The following NBPF8 variants were observed in gnomAD, a reference collection of about 807,000 sequenced individuals.
NBPF8 encodes the protein NBPF member 8.
chr1:120,468,322 T>C (rs1439890942), downstream of NBPF8, among the ~76,000 whole-genome samples: 122 of 151,660 alleles, frequency 8.0e-4, no homozygotes, highest in African/African-American at 2.5e-3. Flanking sequence ...AATGTCACAG[T>C]CATCACTTGC....
At chr1:120,460,479 C>T (rs1661549867) in intron 17 of NBPF8, 94 bp from the exon 16 acceptor site, 6 of 819,044 alleles carry the variant, frequency 7.3e-6, no homozygotes, top group South Asian at 6.6e-5. Context: ...ATTGACAAGA[C>T]TGATGTCCCT....
chr1:120,415,425 G>A (rs1196266259), upstream of NBPF8, among the ~76,000 whole-genome samples: 9 of 152,224 alleles, frequency 5.9e-5, no homozygotes, highest in Middle Eastern at 6.8e-3. Context: ...CGGCCCCGCC[G>A]GGGCTTAAGT....
At chr1:120,466,077 C>G in exon 25 of NBPF8, 1 of 1,611,854 alleles carries the variant, frequency 6.2e-7, no homozygotes, top group South Asian at 1.1e-5. Context: ...AACTACGTGA[C>G]TCATTCCAGC....
At chr1:120,433,237 GT>G (rs1660934521), upstream of NBPF8, 15 of 152,128 alleles carry the variant, frequency 9.9e-5, no homozygotes, top group Non-Finnish European at 1.8e-4. Context: ...GAATAAGCAA[GT>G]CGGTATTGAA....
rs1448404151 is a variant in NBPF8, at chr1:120,455,410, AAATG to A, written n.2573_2576del. On this transcript the variant is annotated splice_region_variant and non_coding_transcript_exon_variant, in exon 16 of 25. Transcript: ENST00000583271. Reference sequence around the variant, plus strand: ...CTGCTTCTCTGAATTTATTTACAGAAAATGAAAGTGATGATGAGGAAGAGGAAGA... The same window carrying A: ...CTGCTTCTCTGAATTTATTTACAGAAAAAGTGATGATGAGGAAGAGGAAGA... 4 of 637,714 alleles carry A rather than the reference AAATG, an allele frequency of 6.3e-6. No homozygotes were observed. In the African/African-American group the frequency reaches 8.2e-5, roughly 13 times the overall value. 39.5% of individuals were successfully genotyped at this position (637,714 alleles called of 1,614,324 possible).
chr1:120,431,672 T>G (rs1355565560), upstream of NBPF8, among the ~76,000 whole-genome samples: 150 of 150,870 alleles, frequency 9.9e-4, no homozygotes, highest in Non-Finnish European at 1.7e-3. Context: ...AGTCTTATAC[T>G]TGTAGGAATG....
chr1:120,431,571 A>C (rs1660880786), upstream of NBPF8, among the ~76,000 whole-genome samples: 1 of 151,682 alleles, frequency 6.6e-6, no homozygotes, highest in African/African-American at 2.4e-5. Context: ...CAATCAGTGC[A>C]ACAATGAGAT....
intron 7 of NBPF8, chr1:120,445,776 A>G (rs1661144467): frequency 1.7e-5 from 5 of 302,000 alleles, no homozygotes; most frequent in Non-Finnish European, 2.9e-5. Context: ...CAATATTTGA[A>G]CGGATCACTC....
intron 24 of NBPF8, 61 bp from the exon 23 acceptor site, chr1:120,465,917 G>A: frequency 2.5e-6 from 4 of 1,590,900 alleles, no homozygotes; most frequent in East Asian, 2.2e-5. Context: ...CTGAAATCTA[G>A]TGGGGCTCTG....
chr1:120,432,116 G>A (rs1660896791), upstream of NBPF8: 1 of 143,178 alleles, frequency 7.0e-6, no homozygotes, highest in Admixed American at 7.3e-5. Flanking sequence ...AATCTAAATG[G>A]GTCTAGGTGC....
chr1:120,452,334 A>C lies in NBPF8; in HGVS notation n.2289+3A>C. The C allele has an allele frequency of 7.2e-7, 1 of 1,392,328 alleles. No individual in the cohort carries two copies. Among genetic ancestry groups the C allele is most frequent in the South Asian group, 1.2e-5 (1 of 86,950 alleles). 86.2% of individuals were successfully genotyped at this position (1,392,328 alleles called of 1,614,324 possible). On this transcript the variant is annotated splice_donor_region_variant and intron_variant and non_coding_transcript_variant, in intron 13 of 24. Coordinates refer to ENST00000583271, the Ensembl canonical transcript of NBPF8. ...CCTTGTCCAAAAGCTCAGCCCAGGT[A>C]AGGTGGCCATAGGCCCTGATGACCC...
upstream of NBPF8, among the ~76,000 whole-genome samples, chr1:120,431,359 AATAT>A (rs869036983): frequency 0.071 from 2,956 of 41,840 alleles, 125 homozygotes; most frequent in Middle Eastern, 0.14. Flanking sequence ...CCAAATAGGG[AATAT>A]ATATATATAT....
Position 120,464,554 on chromosome 1 carries a change from T to C in NBPF8, n.3459+6T>C. 1 of 767,658 alleles carries C rather than the reference T, an allele frequency of 1.3e-6. No homozygotes were observed. Among genetic ancestry groups the C allele is most frequent in the Non-Finnish European group, 2.4e-6 (1 of 416,776 alleles). The allele number at this position is 767,658 out of a possible 1,614,324, so 47.6% of individuals were successfully genotyped here. ...CTTTTCTCTTGACGTGGGAGGTGAG[T>C]ACCTTTCTATGAAGGTGATAAGGAT... On this transcript the variant is annotated splice_donor_region_variant and intron_variant and non_coding_transcript_variant, in intron 23 of 24. Coordinates refer to ENST00000583271, the Ensembl canonical transcript of NBPF8.
At chr1:120,433,142 A>G (rs2101586162), upstream of NBPF8, 1 of 152,208 alleles carries the variant, frequency 6.6e-6, no homozygotes, top group Non-Finnish European at 1.5e-5. Context: ...TTACATCAAC[A>G]CAATTCTGCT....
intron 21 of NBPF8, among the ~76,000 whole-genome samples, 155 bp downstream of exon 19, chr1:120,463,121 G>C (rs1318729380): frequency 6.6e-6 from 1 of 151,752 alleles, no homozygotes; most frequent in South Asian, 2.1e-4. Context: ...TGTAGTCTCA[G>C]CTGGAAGCCT....
upstream of NBPF8, among the ~76,000 whole-genome samples, chr1:120,434,575 C>T (rs1474499360): frequency 6.6e-6 from 1 of 151,292 alleles, no homozygotes; most frequent in Admixed American, 6.6e-5. Flanking sequence ...TCTCATTGTT[C>T]AGTTCCCACC....
chr1:120,419,236 T>A (rs1698691), upstream of NBPF8, among the ~76,000 whole-genome samples: 62,816 of 152,018 alleles, frequency 0.41, 13,607 homozygotes, highest in African/African-American at 0.49. Context: ...CCTTTGTATG[T>A]GTTGCTGCTA....
chr1:120,425,095 T>C (rs1249383294), intron 1 of NBPF8, among the ~76,000 whole-genome samples: 11 of 151,014 alleles, frequency 7.3e-5, no homozygotes, highest in Non-Finnish European at 1.6e-4. Context: ...TGTCCAAGGT[T>C]TCTCCCCATG....
chr1:120,446,192 A>C (rs1214087819), intron 8 of NBPF8: 13 of 772,800 alleles, frequency 1.7e-5, no homozygotes, highest in Middle Eastern at 3.6e-4. Flanking sequence ...CCTGGGTAAG[A>C]ACAGAGATGG....
Sources: allele counts gnomAD v4.1 joint callset (sites outside exome capture counted in the v4.1 genomes callset), GRCh38; gene constraint gnomAD v4.1.1; transcripts MANE v1.5; gene names NCBI Gene and HGNC (gene_info 2026-07-23, HGNC 2026-07-21).